TEK: variants seen among roughly 807,000 people sequenced by gnomAD.
The protein encoded by TEK is TEK receptor tyrosine kinase, also known as angiopoietin-1 receptor.
A neutral mutation model predicts 131.8 loss-of-function variants in TEK; 43 were observed. The ratio of observed to expected loss-of-function variants is 0.33; its 90% CI spans 0.26 to 0.42. The LOEUF (loss-of-function observed/expected upper bound fraction) is 0.42. TEK is among the 10% of genes least tolerant of loss of function. The pLI is 1.00. For missense variants in TEK, 1,162 were observed against 1,384.4 expected (o/e 0.84, Z 2.55); for synonymous variants, 580 against 491.6 (o/e 1.18, Z -2.38).
rs1824035935 is a variant in TEK, at chr9:27,173,321, G to C, written c.860G>C (p.Cys287Ser). The change falls in exon 6 of 23, where the codon TGT becomes TCT. Residue 287 changes from cysteine to serine, a missense_variant. Physicochemically the swap from Cys to Ser is moderately radical, Grantham distance 112 (BLOSUM62 -1). Coordinates refer to ENST00000380036, the MANE Select transcript of TEK (RefSeq NM_000459.5). ...YVFCLPDPYGCSCATGWKGLQ... is the reference protein window; with the variant it reads ...YVFCLPDPYGSSCATGWKGLQ... ...TTCTGTCTCCCTGACCCCTATGGGT[G>C]TTCCTGTGCCACAGGCTGGAAGGGT... 1 of 1,613,930 alleles carries C rather than the reference G, an allele frequency of 6.2e-7. No individual in the cohort carries two copies. The highest frequency in any genetic ancestry group is 1.1e-5 in the South Asian group (1 of 91,086).
chr9:27,125,058 A>G (rs12339737), intron 1 of TEK, among the ~76,000 whole-genome samples: 35,641 of 152,108 alleles, frequency 0.23, 4,630 homozygotes, highest in Non-Finnish European at 0.3. Context: ...CCCAACCAGC[A>G]TGGGCTTGCA....
At chr9:27,112,557 G>C (rs55759630) in intron 1 of TEK, among the ~76,000 whole-genome samples, 15,155 of 152,200 alleles carry the variant, frequency 0.1, 1,405 homozygotes, top group East Asian at 0.5. Flanking sequence ...AGGAGGGAAG[G>C]AGTCTTCTAA....
Position 27,228,208 on chromosome 9 carries a change from A to T in TEK, c.3203A>T (p.Tyr1068Phe). Residue 1068 changes from tyrosine (Y) to phenylalanine (F), a missense_variant and splice_region_variant, in exon 22 of 23, where the codon TAT becomes TTT. Transcript: ENST00000380036. Reference sequence around the variant, plus strand: ...CCTTTAATTCTTTGCTTTCGAAGGTATGATCTAATGAGACAATGCTGGCGG... The same window carrying T: ...CCTTTAATTCTTTGCTTTCGAAGGTTTGATCTAATGAGACAATGCTGGCGG... ...EKPLNCDDEV[Y>F]DLMRQCWREK... 6.2e-7 allele frequency: 1 copy of T among 1,612,138 alleles called. No individual in the cohort carries two copies. The highest frequency in any genetic ancestry group is 8.5e-7 in the Non-Finnish European group (1 of 1,178,454).
At chr9:27,109,781 C>T in intron 1 of TEK, 139 bp downstream of exon 1, 1 of 815,548 alleles carries the variant, frequency 1.2e-6, no homozygotes, top group African/African-American at 1.7e-5. Context: ...TGTGAGTCTC[C>T]AGTCAATATG....
intron 1 of TEK, among the ~76,000 whole-genome samples, chr9:27,138,539 C>A (rs558040867): frequency 7.2e-5 from 11 of 152,308 alleles, no homozygotes; most frequent in Non-Finnish European, 1.5e-5. Context: ...CTCCAAGTCC[C>A]CACTTGACCC....
chr9:27,141,009 T>A (rs1032264331), intron 1 of TEK, among the ~76,000 whole-genome samples: 1 of 152,154 alleles, frequency 6.6e-6, no homozygotes, highest in African/African-American at 2.4e-5. Flanking sequence ...GTTCTCTGCC[T>A]ATCTCTGTTT....
chr9:27,136,420 G>A lies in TEK; in HGVS notation c.53-21411G>A, dbSNP rs1434969474. On this transcript the variant is annotated intron_variant, in intron 1 of 22. Transcript: ENST00000380036. Reference sequence around the variant, plus strand: ...TAGTTACCTCTGACACTGAGCTGCGGCTTCAATTGACTTTACTTTAATTCA... The same window carrying A: ...TAGTTACCTCTGACACTGAGCTGCGACTTCAATTGACTTTACTTTAATTCA... 1.9e-4 allele frequency among the ~76,000 whole-genome samples: 29 copies of A among 152,112 alleles called. 1 individual carries two copies. Among genetic ancestry groups the A allele is most frequent in the Admixed American group, 1.9e-3 (29 of 15,276 alleles).
chr9:27,211,804 G>T (rs62546528), intron 16 of TEK, among the ~76,000 whole-genome samples: 1 of 151,266 alleles, frequency 6.6e-6, no homozygotes, highest in Non-Finnish European at 1.5e-5. Flanking sequence ...TTAAAAACAT[G>T]GTTTGCCCAA....
At chr9:27,206,879 C>G (rs757104263) in intron 15 of TEK, 87 bp downstream of exon 15, 42 of 1,468,704 alleles carry the variant, frequency 2.9e-5, no homozygotes, top group Non-Finnish European at 3.7e-5. Flanking sequence ...TATGGTCTTA[C>G]AAAAAATTGG....
At chr9:27,154,599 A>C (rs1461911611) in intron 1 of TEK, among the ~76,000 whole-genome samples, 1 of 152,226 alleles carries the variant, frequency 6.6e-6, no homozygotes, top group Non-Finnish European at 1.5e-5. Flanking sequence ...TTCTTTAGGC[A>C]GATACTAGCA....
At chr9:27,193,903 C>T (rs754637143) in intron 11 of TEK, among the ~76,000 whole-genome samples, 3 of 152,156 alleles carry the variant, frequency 2.0e-5, no homozygotes, top group Non-Finnish European at 4.4e-5. Context: ...ATCTCCTGGG[C>T]TCAAGTCATC....
intron 10 of TEK, among the ~76,000 whole-genome samples, chr9:27,191,431 T>C (rs1311467728): frequency 6.6e-6 from 1 of 152,226 alleles, no homozygotes; most frequent in Non-Finnish European, 1.5e-5. Context: ...GCATTATCAG[T>C]GACCATGCTG....
intron 1 of TEK, among the ~76,000 whole-genome samples, chr9:27,140,466 G>A (rs907414335): frequency 2.6e-5 from 4 of 151,160 alleles, no homozygotes; most frequent in Non-Finnish European, 4.4e-5. Flanking sequence ...TTTCATTGGT[G>A]AATAAATGAT....
rs375415150 is a variant in TEK, at chr9:27,169,472, A to G, written c.476-5A>G. The G allele has an allele frequency of 2.0e-5, 33 of 1,613,746 alleles. No individual in the cohort carries two copies. The highest frequency in any genetic ancestry group is 2.7e-5 in the African/African-American group (2 of 74,914). On this transcript the variant is annotated splice_polypyrimidine_tract_variant and splice_region_variant and intron_variant, in intron 3 of 22. Transcript: ENST00000380036. Reference sequence around the variant, plus strand: ...CTACGGTTCTTCACTCTTCCCTCTTACTAGGTTCCTTCATCCATTCAGTGC... The same window carrying G: ...CTACGGTTCTTCACTCTTCCCTCTTGCTAGGTTCCTTCATCCATTCAGTGC...
chr9:27,185,769 T>G, intron 9 of TEK, 140 bp downstream of exon 9: 1 of 1,130,640 alleles, frequency 8.8e-7, no homozygotes, highest in Non-Finnish European at 1.3e-6. Flanking sequence ...AAAAATTATA[T>G]GCATGAAACT....
At chr9:27,203,621 T>C (rs1390300790) in intron 13 of TEK, among the ~76,000 whole-genome samples, 1 of 152,176 alleles carries the variant, frequency 6.6e-6, no homozygotes, top group Non-Finnish European at 1.5e-5. Flanking sequence ...AGAGATCCTC[T>C]CTGGATGCCA....
chr9:27,204,917 C>T lies in TEK; in HGVS notation c.2216C>T (p.Ala739Val), dbSNP rs561507573. The change falls in exon 14 of 23, where the codon GCG becomes GTG. Residue 739 changes from alanine to valine, a missense_variant. Ala to Val is a moderately conservative substitution (Grantham distance 64). Transcript: ENST00000380036. ...LVTLPESQAP[A>V]DLGGGKMLLI... ...CCTCTGTCTTCCTGCACAGCACCAG[C>T]GGACCTCGGAGGGGGGAAGATGCTG... The T allele has an allele frequency of 1.1e-5, 18 of 1,613,860 alleles. No individual in the cohort carries two copies. The highest frequency in any genetic ancestry group is 3.3e-5 in the Admixed American group (2 of 60,018).
At chr9:27,122,134 C>T (rs930664954) in intron 1 of TEK, among the ~76,000 whole-genome samples, 1 of 152,182 alleles carries the variant, frequency 6.6e-6, no homozygotes, top group Non-Finnish European at 1.5e-5. Flanking sequence ...CTCATCCATT[C>T]CAGCTAGCAT....
At chr9:27,144,255 C>T (rs1822834397) in intron 1 of TEK, among the ~76,000 whole-genome samples, 1 of 151,974 alleles carries the variant, frequency 6.6e-6, no homozygotes, top group East Asian at 1.9e-4. Context: ...GCATTCCAGC[C>T]TGGAGACAGA....
Sources: allele counts gnomAD v4.1 joint callset (sites outside exome capture counted in the v4.1 genomes callset), GRCh38; gene constraint gnomAD v4.1.1; transcripts MANE v1.5; gene names NCBI Gene and HGNC (gene_info 2026-07-23, HGNC 2026-07-21).